Variants in PRDM1 observed in about 807,000 individuals in gnomAD.
PRDM1 encodes the protein PR domain zinc finger protein 1.
A neutral mutation model predicts 62.8 loss-of-function variants in PRDM1; 13 were observed. That is an observed-to-expected ratio of 0.21 (90% CI 0.13 to 0.33). The LOEUF (loss-of-function observed/expected upper bound fraction) is 0.33, where lower values mean the gene tolerates loss of function less well. PRDM1 is among the 10% of genes least tolerant of loss of function. The pLI, the probability that PRDM1 is intolerant of heterozygous loss-of-function variation, is 1.00. For synonymous variants in PRDM1, 396 were observed against 417.6 expected, an observed-to-expected ratio of 0.95 and a Z score of 0.63; for missense variants, 895 against 1,058.8, an observed-to-expected ratio of 0.85 and a Z score of 2.15.
intron 1 of PRDM1, among the ~76,000 whole-genome samples, chr6:106,002,468 T>C (rs999723209): frequency 1.3e-5 from 2 of 152,226 alleles, no homozygotes; most frequent in African/African-American, 4.8e-5. Context: ...GTCATAGTTT[T>C]ATTTAATTGG....
rs776111636 is a variant in PRDM1, at chr6:106,105,052, G to A, written c.892G>A (p.Val298Ile). ...CGAAATGCCCTTCTACCCTCGGGTCGTTTACCCCATCCGGGCCCCTCTGCC... is the reference window on the plus strand; with the variant it reads ...CGAAATGCCCTTCTACCCTCGGGTCATTTACCCCATCCGGGCCCCTCTGCC... ...SPEMPFYPRV[V>I]YPIRAPLPED... Residue 298 changes from valine (V) to isoleucine (I), a missense_variant, in exon 5 of 7, where the codon GTT (valine) becomes ATT (isoleucine). By Grantham distance (29) the Val-to-Ile change is conservative. Transcript: ENST00000369096. 1.9e-6 allele frequency: 3 copies of A among 1,614,018 alleles called. No homozygotes were observed. Among genetic ancestry groups the A allele is most frequent in the East Asian group, 2.2e-5 (1 of 44,880 alleles).
intron 1 of PRDM1, chr6:106,072,192 C>G (rs1773530246): frequency 6.6e-6 from 1 of 152,202 alleles, no homozygotes; most frequent in Admixed American, 6.5e-5. Context: ...AGATGTCCTT[C>G]ATACTTCTTA....
chr6:106,084,825 T>C (rs925498790), upstream of PRDM1, among the ~76,000 whole-genome samples: 11 of 152,182 alleles, frequency 7.2e-5, no homozygotes, highest in South Asian at 6.2e-4. Flanking sequence ...TTCCTCTTGG[T>C]GCTAGCGTCC....
chr6:106,099,105 A>C, intron 3 of PRDM1, 195 bp from the exon 4 acceptor site: 1 of 1,613,980 alleles, frequency 6.2e-7, no homozygotes, highest in Non-Finnish European at 8.5e-7. Flanking sequence ...GTAACTGACA[A>C]AAGTGTGCCT....
In PRDM1 at chr6:106,109,742, T is replaced by C. The variant is rs1774635131; in HGVS notation, c.*2256T>C. 1 of 233,192 alleles carries C rather than the reference T, an allele frequency of 4.3e-6. No individual in the cohort carries two copies. 14.4% of individuals were successfully genotyped at this position (233,192 alleles called of 1,614,324 possible). A position where few individuals can be genotyped will look rare whatever the true frequency, so the allele number is the denominator to read the frequency against. ...ATCCATCCTTCTCTTTTCTGCCTCT[T>C]ACATGTGAATGTTGAGCCCACAATC... On this transcript the variant is annotated 3_prime_UTR_variant, in exon 7 of 7. Coordinates refer to ENST00000369096, the MANE Select transcript of PRDM1 (RefSeq NM_001198.4).
At chr6:106,049,909 A>T (rs1360575801) in intron 1 of PRDM1, among the ~76,000 whole-genome samples, 1 of 152,134 alleles carries the variant, frequency 6.6e-6, no homozygotes, top group Non-Finnish European at 1.5e-5. Flanking sequence ...TGAGAACCTG[A>T]ATTTAGGCCA....
At chr6:106,016,236 A>G (rs1024944876) in intron 1 of PRDM1, among the ~76,000 whole-genome samples, 7 of 152,232 alleles carry the variant, frequency 4.6e-5, no homozygotes, top group Non-Finnish European at 7.3e-5. Flanking sequence ...TTGTTGATAG[A>G]CATTGGGCTG....
intron 1 of PRDM1, among the ~76,000 whole-genome samples, chr6:106,038,302 T>C (rs1772950409): frequency 6.6e-6 from 1 of 152,056 alleles, no homozygotes; most frequent in East Asian, 1.9e-4. Flanking sequence ...TTTGTCTTCA[T>C]CCTATTTTGT....
chr6:106,090,117 G>T (rs751002819), intron 2 of PRDM1, among the ~76,000 whole-genome samples: 1 of 152,144 alleles, frequency 6.6e-6, no homozygotes, highest in Non-Finnish European at 1.5e-5. Context: ...AAGCCAGACC[G>T]GGGACTTGAA....
chr6:106,057,868 G>A (rs1488228056), intron 1 of PRDM1, among the ~76,000 whole-genome samples: 1 of 152,090 alleles, frequency 6.6e-6, no homozygotes, highest in African/African-American at 2.4e-5. Context: ...AATTATACAA[G>A]TATAGGTAAG....
chr6:106,106,274 C>T lies in PRDM1; in HGVS notation c.1774-97C>T, dbSNP rs192967659. The T allele has an allele frequency of 6.7e-7, 1 of 1,491,034 alleles. No individual in the cohort carries two copies. Among genetic ancestry groups the T allele is most frequent in the Non-Finnish European group, 9.1e-7 (1 of 1,097,340 alleles). 92.4% of individuals were successfully genotyped at this position (1,491,034 alleles called of 1,614,324 possible). On this transcript the variant is annotated intron_variant, in intron 5 of 6. Coordinates refer to ENST00000369096, the MANE Select transcript of PRDM1 (RefSeq NM_001198.4). The surrounding 1 kb of genome is among the most constrained non-coding windows in gnomAD (Gnocchi z 4.4). ...TTTTTAAGACTGTCTTGATGCTTTT[C>T]TTAAGATATTTGCATCAACACTTGA...
chr6:106,003,297 T>C (rs1424730471), intron 1 of PRDM1, among the ~76,000 whole-genome samples: 2 of 152,232 alleles, frequency 1.3e-5, no homozygotes, highest in Non-Finnish European at 2.9e-5. Context: ...CATCAGATAC[T>C]GACTACTGTG....
At chr6:106,029,238 G>A (rs1282242229) in intron 1 of PRDM1, among the ~76,000 whole-genome samples, 2 of 152,028 alleles carry the variant, frequency 1.3e-5, no homozygotes, top group Admixed American at 6.6e-5. Context: ...TTTTCTTATA[G>A]CAGTTTCATA....
At chr6:106,090,296 G>A (rs1411106305) in intron 2 of PRDM1, among the ~76,000 whole-genome samples, 2 of 151,986 alleles carry the variant, frequency 1.3e-5, no homozygotes, top group Non-Finnish European at 2.9e-5. Flanking sequence ...AATATATTAA[G>A]CAACCAAAAA....
chr6:106,002,404 G>A (rs1562142022), intron 1 of PRDM1, among the ~76,000 whole-genome samples: 1 of 152,110 alleles, frequency 6.6e-6, no homozygotes, highest in East Asian at 1.9e-4. Flanking sequence ...GTGGCTATGG[G>A]TGATGATAAG....
chr6:106,109,448 AC>A lies in PRDM1; in HGVS notation c.*1963del, dbSNP rs1774622619. The A allele has an allele frequency of 8.6e-6, 2 of 233,590 alleles. No individual in the cohort carries two copies. The highest frequency in any genetic ancestry group is 1.2e-4 in the East Asian group (2 of 16,628). 14.5% of individuals were successfully genotyped at this position (233,590 alleles called of 1,614,324 possible). A position where few individuals can be genotyped will look rare whatever the true frequency, so the allele number is the denominator to read the frequency against. On this transcript the variant is annotated 3_prime_UTR_variant, in exon 7 of 7. Coordinates refer to ENST00000369096, the MANE Select transcript of PRDM1 (RefSeq NM_001198.4). ...TATAATTATATTTGACATTTTGTTC[AC>A]ATCAACTAATGTTCACCTGTAGAAG... is the stretch of plus-strand genomic sequence containing the variant.
intron 1 of PRDM1, among the ~76,000 whole-genome samples, chr6:106,026,904 G>A (rs1301775266): frequency 2.0e-5 from 3 of 152,168 alleles, no homozygotes. Flanking sequence ...ATCTAAACGA[G>A]TCACAGCAGT....
chr6:106,084,985 GCCTCTCCC>G (rs1228384541), upstream of PRDM1, among the ~76,000 whole-genome samples: 2 of 152,002 alleles, frequency 1.3e-5, no homozygotes, highest in Admixed American at 6.5e-5. Context: ...ATAATCTTTT[GCCTCTCCC>G]CCTCTCCCCT....
At chr6:106,029,843 C>A (rs547185292) in intron 1 of PRDM1, among the ~76,000 whole-genome samples, 1 of 151,496 alleles carries the variant, frequency 6.6e-6, no homozygotes, top group East Asian at 2.0e-4. Context: ...GGTCTCGAAC[C>A]CCTGGGCTCA....
Sources: gnomAD v4.1 joint callset for allele counts (sites outside exome capture counted in the v4.1 genomes callset) on GRCh38, gnomAD v4.1.1 for gene constraint, Gnocchi (gnomAD v3.1) non-coding constraint, MANE v1.5 for transcripts, NCBI Gene and HGNC (gene_info 2026-07-23, HGNC 2026-07-21) for gene names.